Variants in SBF2 observed in about 807,000 individuals in gnomAD.
SBF2 encodes the protein myotubularin-related protein 13.
In SBF2, 112 loss-of-function variants were observed where a neutral mutation model predicts 225.2. The observed-to-expected ratio is 0.50, with a 90% confidence interval of 0.43 to 0.58. The LOEUF (loss-of-function observed/expected upper bound fraction) is 0.58, where lower values mean the gene tolerates loss of function less well. Among genes scored for constraint, SBF2 ranks in the 20% least tolerant of loss-of-function variants. SBF2 has a pLI of 0.00. For synonymous variants in SBF2, 763 were observed against 773.3 expected (o/e 0.99, Z 0.22); for missense variants, 1,996 against 2,206.2 (o/e 0.90, Z 1.91).
At chr11:9,908,999 T>G (rs1466345574) in intron 16 of SBF2, among the ~76,000 whole-genome samples, 1 of 152,014 alleles carries the variant, frequency 6.6e-6, no homozygotes, top group Non-Finnish European at 1.5e-5. Flanking sequence ...ATTCTTTACT[T>G]TGTATTAAAA....
intron 16 of SBF2, among the ~76,000 whole-genome samples, chr11:9,903,867 C>A (rs1269167903): frequency 1.3e-5 from 2 of 152,098 alleles, no homozygotes; most frequent in Non-Finnish European, 2.9e-5. Context: ...TCATACTCTG[C>A]CATTTTGTCT....
chr11:10,004,417 T>C (rs891357757), intron 6 of SBF2, among the ~76,000 whole-genome samples: 2 of 151,650 alleles, frequency 1.3e-5, no homozygotes, highest in African/African-American at 2.4e-5. Context: ...AAGTATAATA[T>C]TGAGTGAGGG....
At chr11:9,780,752 T>C in intron 39 of SBF2, 1 of 520,154 alleles carries the variant, frequency 1.9e-6, no homozygotes, top group Non-Finnish European at 3.5e-6. Context: ...TGGGAGCGCC[T>C]TATTTTGCAT....
intron 16 of SBF2, among the ~76,000 whole-genome samples, chr11:9,930,524 G>A (rs1227991227): frequency 6.6e-6 from 1 of 152,168 alleles, no homozygotes; most frequent in Non-Finnish European, 1.5e-5. Flanking sequence ...GTACAAAAGA[G>A]TACAAGAAAC....
chr11:10,067,946 C>T (rs1293413075), intron 2 of SBF2, among the ~76,000 whole-genome samples: 3 of 152,126 alleles, frequency 2.0e-5, no homozygotes, highest in Non-Finnish European at 4.4e-5. Context: ...GAAACCCACA[C>T]ATAGAAGGAC....
intron 16 of SBF2, among the ~76,000 whole-genome samples, chr11:9,955,797 C>A (rs748055342): frequency 6.6e-6 from 1 of 152,018 alleles, no homozygotes; most frequent in Non-Finnish European, 1.5e-5. Flanking sequence ...GGAAGATCCC[C>A]ATGTTTACTG....
intron 1 of SBF2, among the ~76,000 whole-genome samples, chr11:10,235,830 G>C (rs1481913321): frequency 6.6e-6 from 1 of 152,100 alleles, no homozygotes; most frequent in Non-Finnish European, 1.5e-5. Flanking sequence ...ATGTAGTCCA[G>C]GATGAGGCAG....
At chr11:10,269,655 T>A (rs1962304784) in intron 1 of SBF2, among the ~76,000 whole-genome samples, 1 of 152,224 alleles carries the variant, frequency 6.6e-6, no homozygotes, top group Non-Finnish European at 1.5e-5. Context: ...TTATCCAATT[T>A]TATGAATGCA....
intron 16 of SBF2, among the ~76,000 whole-genome samples, chr11:9,932,985 A>AAAAAAAC (rs1590511127): frequency 1.4e-5 from 2 of 146,512 alleles, no homozygotes; most frequent in East Asian, 4.1e-4. Context: ...AAAAAAAAAA[A>AAAAAAAC]AACAGGTGTT....
At chr11:9,856,306 A>G in intron 19 of SBF2, 152 bp downstream of exon 19, 1 of 967,138 alleles carries the variant, frequency 1.0e-6, no homozygotes, top group Non-Finnish European at 1.6e-6. Context: ...TCTTTTAGAA[A>G]GAAAAGCTGA....
chr11:10,082,670 G>A (rs973351505), intron 2 of SBF2, among the ~76,000 whole-genome samples: 1 of 151,944 alleles, frequency 6.6e-6, no homozygotes, highest in Non-Finnish European at 1.5e-5. Flanking sequence ...AAAATCATTT[G>A]ATAAAATTCA....
chr11:10,079,151 A>T (rs1000477042), intron 2 of SBF2, among the ~76,000 whole-genome samples: 9 of 152,196 alleles, frequency 5.9e-5, no homozygotes, highest in Non-Finnish European at 1.2e-4. Flanking sequence ...GGAAATATTT[A>T]AAAAAACACA....
chr11:10,051,444 A>T lies in SBF2; in HGVS notation c.142-8463T>A, dbSNP rs534949959. Reference sequence around the variant, plus strand: ...AAACTTTTGGGAAATTCCAAGGATCAATTTTCAAATCCAATAGACTTCTTC... The same window carrying T: ...AAACTTTTGGGAAATTCCAAGGATCTATTTTCAAATCCAATAGACTTCTTC... On this transcript the variant is annotated intron_variant, in intron 2 of 39. Coordinates refer to ENST00000256190, the MANE Select transcript of SBF2 (RefSeq NM_030962.4). 3.9e-5 allele frequency among the ~76,000 whole-genome samples: 6 copies of T among 152,252 alleles called. No individual in the cohort carries two copies. The South Asian group carries it at 1.2e-3, about 32-fold the overall frequency.
intron 5 of SBF2, among the ~76,000 whole-genome samples, chr11:10,028,966 AAAG>A (rs1359963077): frequency 6.6e-6 from 1 of 152,192 alleles, no homozygotes; most frequent in Non-Finnish European, 1.5e-5. Flanking sequence ...GACAGAGAAA[AAAG>A]GAGGATAAAA....
chr11:10,194,749 G>A (rs982303539), intron 1 of SBF2, among the ~76,000 whole-genome samples: 7 of 152,116 alleles, frequency 4.6e-5, no homozygotes. Flanking sequence ...GACCTCAAGT[G>A]GTCCACCTGC....
At chr11:9,805,950 T>TG (rs1853818935) in intron 32 of SBF2, among the ~76,000 whole-genome samples, 1 of 152,066 alleles carries the variant, frequency 6.6e-6, no homozygotes. Flanking sequence ...TGATGAAGGG[T>TG]GGTAAGAGCA....
chr11:9,982,789 C>T (rs1211354499), intron 13 of SBF2, among the ~76,000 whole-genome samples: 3 of 152,200 alleles, frequency 2.0e-5, no homozygotes, highest in Non-Finnish European at 4.4e-5. Flanking sequence ...GAAAGGGAGA[C>T]CCTCCTCTCC....
At chr11:9,941,505 A>C (rs1865250942) in intron 16 of SBF2, among the ~76,000 whole-genome samples, 1 of 152,222 alleles carries the variant, frequency 6.6e-6, no homozygotes, top group South Asian at 2.1e-4. Context: ...ACTTAGCTCC[A>C]ATACCAGCCA....
intron 2 of SBF2, among the ~76,000 whole-genome samples, chr11:10,135,187 T>C (rs1280336712): frequency 2.6e-5 from 4 of 152,214 alleles, no homozygotes; most frequent in African/African-American, 9.6e-5. Flanking sequence ...CCTTGGCCCC[T>C]TTCAGTCACT....
Sources: allele counts gnomAD v4.1 joint callset (sites outside exome capture counted in the v4.1 genomes callset), GRCh38; gene constraint gnomAD v4.1.1; transcripts MANE v1.5; gene names NCBI Gene and HGNC (gene_info 2026-07-23, HGNC 2026-07-21).